CLMP: variants seen among roughly 807,000 people sequenced by gnomAD.
CLMP encodes the protein CXADR-like membrane protein.
CLMP carries 27 observed loss-of-function variants against 45.2 expected under a neutral mutation model. That is an observed-to-expected ratio of 0.60 (90% CI 0.44 to 0.82). The LOEUF (loss-of-function observed/expected upper bound fraction) is 0.82, where lower values mean the gene tolerates loss of function less well. Ranked by LOEUF, CLMP falls within the 40% of genes least tolerant of loss-of-function variation. The pLI is 0.00. For missense variants in CLMP, 403 were observed against 448.4 expected (o/e 0.90, Z 0.91); for synonymous variants, 167 against 171.4 (o/e 0.97, Z 0.20).
chr11:123,108,196 G>A (rs969699370), intron 1 of CLMP, among the ~76,000 whole-genome samples: 1 of 152,066 alleles, frequency 6.6e-6, no homozygotes, highest in African/African-American at 2.4e-5. Context: ...CCCAACCCCA[G>A]AACCTCTCCA....
intron 1 of CLMP, among the ~76,000 whole-genome samples, chr11:123,129,766 C>T (rs994024382): frequency 6.7e-6 from 1 of 149,344 alleles, no homozygotes; most frequent in Admixed American, 6.8e-5. Context: ...TTATCTTATA[C>T]ATCAGGCAGC....
chr11:123,133,589 A>C (rs1861023506), intron 1 of CLMP, among the ~76,000 whole-genome samples: 1 of 152,162 alleles, frequency 6.6e-6, no homozygotes, highest in South Asian at 2.1e-4. Context: ...CCATTGTAGT[A>C]GCCACTACTA....
chr11:123,103,022 C>A (rs1860475819), intron 1 of CLMP, among the ~76,000 whole-genome samples: 2 of 152,032 alleles, frequency 1.3e-5, no homozygotes, highest in South Asian at 4.1e-4. Flanking sequence ...CTGAGTGTAA[C>A]CCACACGCTC....
At position 123,121,609 on chromosome 11, in the gene CLMP, T is replaced by C. The variant is rs532990313; in HGVS notation, c.29-23657A>G. On this transcript the variant is annotated intron_variant, in intron 1 of 6. Transcript: ENST00000448775. ...CACCTCACCTGGCCAGAGAAAAATTTTAAAATCACATATCTGTCAGTGGGA... is the reference window on the plus strand; with the variant it reads ...CACCTCACCTGGCCAGAGAAAAATTCTAAAATCACATATCTGTCAGTGGGA... 2.9e-4 allele frequency among the ~76,000 whole-genome samples: 44 copies of C among 152,150 alleles called. 1 individual carries two copies. Among genetic ancestry groups the C allele is most frequent in the African/African-American group, 1.1e-3 (44 of 41,540 alleles).
chr11:123,078,651 T>G (rs1865766795), intron 5 of CLMP, among the ~76,000 whole-genome samples: 1 of 147,482 alleles, frequency 6.8e-6, no homozygotes, highest in African/African-American at 2.5e-5. Flanking sequence ...TTTTTTTGTT[T>G]TTTTTTTTTT....
chr11:123,139,751 G>C (rs1216130998), intron 1 of CLMP, among the ~76,000 whole-genome samples: 1 of 152,138 alleles, frequency 6.6e-6, no homozygotes, highest in Non-Finnish European at 1.5e-5. Context: ...GGCAGGTGGA[G>C]GTTGCAGTGA....
intron 2 of CLMP, among the ~76,000 whole-genome samples, chr11:123,087,752 C>A (rs897652876): frequency 6.6e-6 from 1 of 151,714 alleles, no homozygotes; most frequent in Non-Finnish European, 1.5e-5. Context: ...ACCCAGGAGG[C>A]AGAGGTTCCA....
intron 1 of CLMP, among the ~76,000 whole-genome samples, chr11:123,131,553 T>C (rs1435258685): frequency 2.0e-5 from 3 of 152,080 alleles, no homozygotes; most frequent in South Asian, 4.1e-4. Context: ...GTTACTTGAG[T>C]GGGTTTGGGT....
intron 1 of CLMP, among the ~76,000 whole-genome samples, chr11:123,098,800 A>T (rs1370915831): frequency 7.0e-6 from 1 of 143,442 alleles, no homozygotes. Flanking sequence ...TCCGTCCCCC[A>T]GGTTCAAGCG....
intron 2 of CLMP, among the ~76,000 whole-genome samples, chr11:123,094,298 G>A (rs943336623): frequency 1.3e-5 from 2 of 152,138 alleles, no homozygotes; most frequent in African/African-American, 4.8e-5. Flanking sequence ...GTAGAGGTGG[G>A]GTTTCACCAT....
At chr11:123,129,917 C>T (rs1431817135) in intron 1 of CLMP, among the ~76,000 whole-genome samples, 2 of 145,404 alleles carry the variant, frequency 1.4e-5, no homozygotes, top group African/African-American at 2.5e-5. Flanking sequence ...TCAAAACACA[C>T]TTTTTTTTTT....
intron 1 of CLMP, among the ~76,000 whole-genome samples, chr11:123,141,306 T>G (rs1861154315): frequency 6.8e-6 from 1 of 146,456 alleles, no homozygotes; most frequent in African/African-American, 2.5e-5. Flanking sequence ...TGCCTCAGCC[T>G]CCCGAGTAGC....
intron 2 of CLMP, among the ~76,000 whole-genome samples, chr11:123,096,367 A>G (rs1865989465): frequency 6.6e-6 from 1 of 151,918 alleles, no homozygotes; most frequent in African/African-American, 2.4e-5. Flanking sequence ...CAACAACAAC[A>G]ACAAAAATCA....
chr11:123,077,793 C>T (rs963149603), intron 5 of CLMP, among the ~76,000 whole-genome samples: 1 of 152,162 alleles, frequency 6.6e-6, no homozygotes, highest in African/African-American at 2.4e-5. Flanking sequence ...AAATTTAGGT[C>T]ACTTTCAATT....
chr11:123,084,433 C>T lies in CLMP; in HGVS notation c.388+79G>A, dbSNP rs1286931455. ...AAAGTACTGAACATGATGTTTTGTA[C>T]CACCGTGATGCATATGGCTATCCCT... On this transcript the variant is annotated intron_variant, in intron 3 of 6. Coordinates refer to ENST00000448775, the MANE Select transcript of CLMP (RefSeq NM_024769.5). 53 of 1,161,712 alleles carry T rather than the reference C, an allele frequency of 4.6e-5. No individual in the cohort carries two copies. The East Asian group carries it at 1.2e-3, about 25-fold the overall frequency. 72.0% of individuals were successfully genotyped at this position (1,161,712 alleles called of 1,614,324 possible).
intron 5 of CLMP, among the ~76,000 whole-genome samples, chr11:123,077,348 T>G (rs1393666326): frequency 6.6e-6 from 1 of 151,818 alleles, no homozygotes; most frequent in Non-Finnish European, 1.5e-5. Context: ...TATTTATTTT[T>G]AAGACAGAGT....
At chr11:123,133,488 G>C (rs1312146001) in intron 1 of CLMP, among the ~76,000 whole-genome samples, 1 of 152,050 alleles carries the variant, frequency 6.6e-6, no homozygotes, top group East Asian at 1.9e-4. Context: ...TGCATCCATT[G>C]ATTCCCCTAC....
chr11:123,098,290 T>G (rs978160968), intron 1 of CLMP, among the ~76,000 whole-genome samples: 3 of 151,818 alleles, frequency 2.0e-5, no homozygotes, highest in African/African-American at 7.3e-5. Context: ...TGCAATGGCA[T>G]GATCTCGGCT....
At position 123,073,577 on chromosome 11, in the gene CLMP, A is replaced by T; in HGVS notation, c.1019T>A (p.Val340Glu). The change falls in exon 7 of 7, where the codon GTG (valine) becomes GAG (glutamate). Residue 340 changes from valine (V) to glutamate (E), a missense_variant. Coordinates refer to ENST00000448775, the MANE Select transcript of CLMP (RefSeq NM_024769.5). ...TQAYSLVGPE[V>E]RGSEPKKVHH... ...GACTTTCTTTGGTTCAGAACCTCTC[A>T]CCTCTGGCCCCACTAGGCTGTATGC... The T allele has an allele frequency of 3.1e-6, 5 of 1,614,002 alleles. No homozygotes were observed. The highest frequency in any genetic ancestry group is 4.2e-6 in the Non-Finnish European group (5 of 1,179,998).
Sources: allele counts gnomAD v4.1 joint callset (sites outside exome capture counted in the v4.1 genomes callset), GRCh38; gene constraint gnomAD v4.1.1; transcripts MANE v1.5; gene names NCBI Gene and HGNC (gene_info 2026-07-23, HGNC 2026-07-21).